The following PRUNE2 variants were observed in gnomAD, a reference collection of about 807,000 sequenced individuals.
The protein encoded by PRUNE2 is protein prune homolog 2.
Under a neutral mutation model 252.0 loss-of-function variants are expected in PRUNE2, and 164 were observed. The observed-to-expected ratio is 0.65, with a 90% CI of 0.57 to 0.74. The LOEUF (loss-of-function observed/expected upper bound fraction) is 0.74. PRUNE2 is among the 30% of genes least tolerant of loss of function. The pLI, the probability that PRUNE2 is intolerant of heterozygous loss-of-function variation, is 0.00. For synonymous variants in PRUNE2, 1,292 were observed against 1,350.2 expected, an observed-to-expected ratio of 0.96 and a Z score of 0.94; for missense variants, 3,495 against 3,711.0, an observed-to-expected ratio of 0.94 and a Z score of 1.51.
intron 4 of PRUNE2, among the ~76,000 whole-genome samples, chr9:76,836,864 G>A (rs769235215): frequency 3.3e-5 from 5 of 152,068 alleles, no homozygotes; most frequent in Non-Finnish European, 5.9e-5. Flanking sequence ...ACACAAGCAC[G>A]TTATTTCTAT....
intron 9 of PRUNE2, among the ~76,000 whole-genome samples, chr9:76,700,958 C>A (rs898181309): frequency 2.6e-5 from 4 of 152,230 alleles, no homozygotes; most frequent in African/African-American, 9.6e-5. Flanking sequence ...TGGGCATTGA[C>A]TAGCTTGACT....
intron 12 of PRUNE2, chr9:76,644,496 C>T (rs1474347734): frequency 1.2e-5 from 7 of 588,470 alleles, no homozygotes; most frequent in East Asian, 3.3e-5. Context: ...AAGATGATCG[C>T]TATCAGATAT....
rs1163239035 is a variant in PRUNE2, at chr9:76,874,019, T to C, written c.37-19811A>G. Reference sequence around the variant, plus strand: ...AGGGCAACTTATCTTGTCACTGCAGTGCTTGCTCAGTACATCTCTTCGGGA... The same window carrying C: ...AGGGCAACTTATCTTGTCACTGCAGCGCTTGCTCAGTACATCTCTTCGGGA... On this transcript the variant is annotated intron_variant, in intron 1 of 18. Transcript: ENST00000376718. Among the ~76,000 whole-genome samples, 5 of 152,308 alleles carry C rather than the reference T, an allele frequency of 3.3e-5. No individual in the cohort carries two copies. In the East Asian group the frequency reaches 7.7e-4, roughly 24 times the overall value.
At position 76,711,049 on chromosome 9, in the gene PRUNE2, G is replaced by T. The variant is rs1231395200; in HGVS notation, c.1225C>A (p.Leu409Ile). 2 of 1,614,034 alleles carry T rather than the reference G, an allele frequency of 1.2e-6. No homozygotes were observed. The highest frequency in any genetic ancestry group is 1.7e-5 in the Admixed American group (1 of 60,018). ...ACCTGAGCCTGGTTAGAATCATTGA[G>T]ATCTGGAGGGTTCTCTATGAAATTC... Reference protein sequence around the residue: ...SVNFIENPPDLNDSNQAQVDA... With the variant: ...SVNFIENPPDINDSNQAQVDA... The change falls in exon 8 of 19, where the codon CTC becomes ATC. Residue 409 changes from leucine (L) to isoleucine (I), a missense_variant. By Grantham distance (5) the Leu-to-Ile change is conservative. Transcript: ENST00000376718.
chr9:76,612,144 T>C lies in PRUNE2; in HGVS notation c.*2426A>G, dbSNP rs1045742176. The stretch of plus-strand genomic sequence containing the variant: ...TAATTTGTCTTTTAAGATAATAAAA[T>C]AGCAGATACCTAAATATCAGAGTGG... On this transcript the variant is annotated 3_prime_UTR_variant, in exon 19 of 19. Coordinates refer to ENST00000376718, the MANE Select transcript of PRUNE2 (RefSeq NM_015225.3). 6.6e-5 allele frequency: 10 copies of C among 152,206 alleles called. No homozygotes were observed. The highest frequency in any genetic ancestry group is 2.4e-4 in the African/African-American group (10 of 41,456). 9.4% of individuals were successfully genotyped at this position (152,206 alleles called of 1,614,324 possible).
intron 9 of PRUNE2, among the ~76,000 whole-genome samples, chr9:76,698,091 G>T (rs1370075402): frequency 6.6e-6 from 1 of 151,914 alleles, no homozygotes; most frequent in Non-Finnish European, 1.5e-5. Flanking sequence ...CTTTCACCCA[G>T]GCTGGAATGA....
rs1375995778 is a variant in PRUNE2, at chr9:76,707,923, T to C, written c.4351A>G (p.Asn1451Asp). 5 of 1,613,798 alleles carry C rather than the reference T, an allele frequency of 3.1e-6. No individual in the cohort carries two copies. The highest frequency in any genetic ancestry group is 4.2e-6 in the Non-Finnish European group (5 of 1,179,868). ...GGTACAGATACATATTTTGTGAAAT[T>C]CATCCCATCTGAAGTCTCAGTAGTT... is the stretch of plus-strand genomic sequence containing the variant. Reference protein sequence around the residue: ...GETTETSDGMNFTKYVSVPEK... With the variant: ...GETTETSDGMDFTKYVSVPEK... Residue 1451 changes from asparagine (N) to aspartate (D), a missense_variant, in exon 8 of 19, where the codon AAT becomes GAT. Physicochemically the swap from Asn to Asp is conservative, Grantham distance 23. Coordinates refer to ENST00000376718, the MANE Select transcript of PRUNE2 (RefSeq NM_015225.3).
chr9:76,686,089 G>A (rs368969576), intron 9 of PRUNE2, among the ~76,000 whole-genome samples: 9 of 150,964 alleles, frequency 6.0e-5, no homozygotes, highest in African/African-American at 1.2e-4. Flanking sequence ...GTAATCATAC[G>A]GCTCTGCCAA....
chr9:76,688,966 A>G (rs1489737684), intron 9 of PRUNE2, among the ~76,000 whole-genome samples: 1 of 152,078 alleles, frequency 6.6e-6, no homozygotes, highest in African/African-American at 2.4e-5. Flanking sequence ...ATTGAAATCT[A>G]CCTCATCCAT....
chr9:76,658,537 A>T (rs1000500162), intron 9 of PRUNE2, among the ~76,000 whole-genome samples: 1 of 152,244 alleles, frequency 6.6e-6, no homozygotes, highest in African/African-American at 2.4e-5. Context: ...AAGTGGCCAA[A>T]CAGCAGTTGT....
chr9:76,699,850 AT>A (rs760773955), intron 9 of PRUNE2, among the ~76,000 whole-genome samples: 15 of 152,222 alleles, frequency 9.9e-5, no homozygotes, highest in Non-Finnish European at 2.1e-4. Context: ...AAACAGCTAA[AT>A]GTTTCTTCCT....
intron 6 of PRUNE2, among the ~76,000 whole-genome samples, chr9:76,763,712 T>A (rs895340715): frequency 2.6e-5 from 4 of 151,710 alleles, no homozygotes; most frequent in Admixed American, 6.6e-5. Context: ...GGGAGGAGAA[T>A]GGTATGGCAG....
intron 9 of PRUNE2, among the ~76,000 whole-genome samples, chr9:76,683,446 A>G (rs1488497629): frequency 6.6e-6 from 1 of 152,228 alleles, no homozygotes; most frequent in Non-Finnish European, 1.5e-5. Flanking sequence ...GAGCCAGATT[A>G]GTTCTTAGGT....
At chr9:76,764,359 T>A (rs748020042) in intron 6 of PRUNE2, 28 of 152,246 alleles carry the variant, frequency 1.8e-4, no homozygotes, top group Non-Finnish European at 3.5e-4. Context: ...AGAAATGGTA[T>A]GGTTGTATGT....
chr9:76,814,738 G>A (rs2057574101), intron 6 of PRUNE2, among the ~76,000 whole-genome samples: 1 of 152,102 alleles, frequency 6.6e-6, no homozygotes, highest in Admixed American at 6.5e-5. Context: ...TTGGGGGTGG[G>A]GGACTTAATG....
At chr9:76,896,975 A>G (rs944632836) in intron 1 of PRUNE2, among the ~76,000 whole-genome samples, 1 of 152,162 alleles carries the variant, frequency 6.6e-6, no homozygotes, top group Non-Finnish European at 1.5e-5. Flanking sequence ...TCTCCTCCCA[A>G]TCGTTTATCA....
chr9:76,761,445 CTA>C (rs2051721646), intron 6 of PRUNE2, among the ~76,000 whole-genome samples: 1 of 152,168 alleles, frequency 6.6e-6, no homozygotes, highest in African/African-American at 2.4e-5. Flanking sequence ...TACCTCAAGT[CTA>C]TGTTTAGGGG....
chr9:76,683,086 A>G (rs1468809008), intron 9 of PRUNE2, among the ~76,000 whole-genome samples: 2 of 152,242 alleles, frequency 1.3e-5, no homozygotes. Context: ...TAATTTCTGC[A>G]TCACACTAAG....
In PRUNE2 at chr9:76,703,667, C is replaced by G; in HGVS notation, c.7946G>C (p.Arg2649Thr). The change falls in exon 9 of 19, where the codon AGG becomes ACG. Residue 2649 changes from arginine to threonine, a missense_variant. By Grantham distance (71) the Arg-to-Thr change is moderately conservative (BLOSUM62 -1). Transcript: ENST00000376718. ...SEVGDPSLDA[R>T]DSGPGWSGKT... ...GCCAGACCACCCAGGCCCTGAGTCC[C>G]TGGCATCCAGTGATGGATCACCAAC... 1 of 1,612,944 alleles carries G rather than the reference C, an allele frequency of 6.2e-7. No individual in the cohort carries two copies. The highest frequency in any genetic ancestry group is 2.2e-5 in the East Asian group (1 of 44,888).
Sources: allele counts gnomAD v4.1 joint callset (sites outside exome capture counted in the v4.1 genomes callset), GRCh38; gene constraint gnomAD v4.1.1; transcripts MANE v1.5; gene names NCBI Gene and HGNC (gene_info 2026-07-23, HGNC 2026-07-21).